The following AGBL4 variants were observed in gnomAD, a reference collection of about 807,000 sequenced individuals.
AGBL4 encodes AGBL carboxypeptidase 4, also known as cytosolic carboxypeptidase 6.
In AGBL4, 58 loss-of-function variants were observed where a neutral mutation model predicts 66.4. That is an observed-to-expected ratio of 0.87 (90% CI 0.71 to 1.09). AGBL4 has a LOEUF of 1.09. AGBL4 is among the 50% of genes least tolerant of loss of function. AGBL4 has a pLI of 0.00. For missense variants in AGBL4, 579 were observed against 631.0 expected (o/e 0.92, Z 0.88); for synonymous variants, 234 against 222.9 (o/e 1.05, Z -0.44).
At chr1:49,378,234 T>C (rs1644512496) in intron 3 of AGBL4, among the ~76,000 whole-genome samples, 1 of 152,088 alleles carries the variant, frequency 6.6e-6, no homozygotes, top group Admixed American at 6.6e-5. Flanking sequence ...AGAAAAAATG[T>C]TGCAGGATGG....
intron 5 of AGBL4, among the ~76,000 whole-genome samples, chr1:48,896,165 C>G (rs990536114): frequency 6.6e-6 from 1 of 152,186 alleles, no homozygotes; most frequent in African/African-American, 2.4e-5. Flanking sequence ...TTCCAGGCCC[C>G]TAGGTACTCC....
rs71307608 is a variant in AGBL4 at position 49,371,228 on chromosome 1, T to TATAGATAGATAGATAGATAGATAG, written c.283-125365_283-125364insCTATCTATCTATCTATCTATCTAT. The stretch of plus-strand genomic sequence containing the variant: ...TAGATAGAAGATAGATAGATAGATA[T>TATAGATAGATAGATAGATAGATAG]ATAGATAGATAGATAGATAGATACA... On this transcript the variant is annotated intron_variant, in intron 3 of 13. Transcript: ENST00000371839. Among the ~76,000 whole-genome samples the TATAGATAGATAGATAGATAGATAG allele has an allele frequency of 2.0e-5, 3 of 146,978 alleles. No individual in the cohort carries two copies. The South Asian group carries it at 6.4e-4, about 32-fold the overall frequency.
intron 10 of AGBL4, among the ~76,000 whole-genome samples, chr1:48,589,927 C>T (rs1051412182): frequency 6.6e-6 from 1 of 152,118 alleles, no homozygotes; most frequent in Non-Finnish European, 1.5e-5. Context: ...CAGTGAGCTT[C>T]CTTTTCTTGT....
chr1:49,169,890 AT>A (rs1646702384), intron 4 of AGBL4, among the ~76,000 whole-genome samples: 1 of 152,142 alleles, frequency 6.6e-6, no homozygotes, highest in African/African-American at 2.4e-5. Flanking sequence ...CTGCCTCAAA[AT>A]TGTGAATATT....
intron 9 of AGBL4, 53 bp from the exon 10 acceptor site, chr1:48,591,038 T>C: frequency 3.3e-6 from 5 of 1,520,134 alleles, no homozygotes; most frequent in Non-Finnish European, 4.4e-6. Context: ...AGCTTGTGTA[T>C]AAGGGACCAG....
chr1:49,116,966 G>A (rs1446333698), intron 4 of AGBL4, among the ~76,000 whole-genome samples: 1 of 152,100 alleles, frequency 6.6e-6, no homozygotes, highest in Non-Finnish European at 1.5e-5. Context: ...TTTCTCTGAT[G>A]ACCAGTGATG....
intron 3 of AGBL4, among the ~76,000 whole-genome samples, chr1:49,330,798 C>G (rs1645316519): frequency 6.6e-6 from 1 of 152,126 alleles, no homozygotes; most frequent in South Asian, 2.1e-4. Context: ...TTAGAAGCAG[C>G]TGCTATGGGT....
At chr1:49,172,161 T>C (rs1021730464) in intron 4 of AGBL4, among the ~76,000 whole-genome samples, 1 of 152,290 alleles carries the variant, frequency 6.6e-6, no homozygotes, top group East Asian at 1.9e-4. Context: ...TATGATCTAA[T>C]AGAGGAGATG....
intron 8 of AGBL4, among the ~76,000 whole-genome samples, chr1:48,645,911 A>C (rs1645827345): frequency 6.6e-6 from 1 of 152,098 alleles, no homozygotes; most frequent in South Asian, 2.1e-4. Flanking sequence ...GAAAGGTTGG[A>C]AGGCTTTGGG....
rs1487999874 is a variant in AGBL4 at position 48,780,198 on chromosome 1, C to G, written c.634+86993G>C. On this transcript the variant is annotated intron_variant, in intron 6 of 13. Coordinates refer to ENST00000371839, the MANE Select transcript of AGBL4 (RefSeq NM_032785.4). ...CCCTAGTCCCCCAGCCCCCCACCCC[C>G]CTACAGGCCCCGGTATGTGATGTTC... Among the ~76,000 whole-genome samples, 6 of 145,050 alleles carry G rather than the reference C, an allele frequency of 4.1e-5. No individual in the cohort carries two copies. The South Asian group carries it at 6.9e-4, about 17-fold the overall frequency.
intron 3 of AGBL4, among the ~76,000 whole-genome samples, chr1:49,652,475 G>A (rs747563331): frequency 6.6e-6 from 1 of 152,128 alleles, no homozygotes; most frequent in Non-Finnish European, 1.5e-5. Flanking sequence ...GGGACTGCTC[G>A]GGTAGGTGGC....
chr1:49,748,184 C>T (rs1301567500), intron 2 of AGBL4, among the ~76,000 whole-genome samples: 1 of 151,976 alleles, frequency 6.6e-6, no homozygotes, highest in Non-Finnish European at 1.5e-5. Context: ...CTGACAGGCT[C>T]CGGTGTGTGA....
chr1:48,878,251 C>T (rs1472937506), intron 5 of AGBL4, among the ~76,000 whole-genome samples: 1 of 152,064 alleles, frequency 6.6e-6, no homozygotes, highest in African/African-American at 2.4e-5. Context: ...AGCAATTGTA[C>T]AAAGTAGCTC....
At chr1:48,630,918 CA>C (rs1360365801) in intron 9 of AGBL4, among the ~76,000 whole-genome samples, 1 of 152,160 alleles carries the variant, frequency 6.6e-6, no homozygotes, top group African/African-American at 2.4e-5. Flanking sequence ...CCTCATGTAT[CA>C]GCCCAGGTGT....
At chr1:49,104,824 C>T (rs1180317705) in intron 4 of AGBL4, among the ~76,000 whole-genome samples, 3 of 152,100 alleles carry the variant, frequency 2.0e-5, no homozygotes, top group African/African-American at 7.2e-5. Flanking sequence ...AAATATTCAC[C>T]TCTAAATATG....
At chr1:49,389,272 A>G (rs74630247) in intron 3 of AGBL4, among the ~76,000 whole-genome samples, 1 of 152,202 alleles carries the variant, frequency 6.6e-6, no homozygotes, top group East Asian at 1.9e-4. Flanking sequence ...AGAGACTCAG[A>G]AAAGAGAAAT....
chr1:49,689,195 C>A (rs1055856043), intron 3 of AGBL4, among the ~76,000 whole-genome samples: 16 of 152,094 alleles, frequency 1.1e-4, no homozygotes, highest in African/African-American at 3.9e-4. Flanking sequence ...TTAGTAGTTT[C>A]ATAGTTTGAG....
At chr1:49,612,660 A>C (rs950139004) in intron 3 of AGBL4, among the ~76,000 whole-genome samples, 9 of 152,200 alleles carry the variant, frequency 5.9e-5, no homozygotes, top group African/African-American at 2.2e-4. Flanking sequence ...AGAAATGCAA[A>C]TCAAAACCAC....
intron 4 of AGBL4, among the ~76,000 whole-genome samples, chr1:49,160,369 T>C (rs1465279838): frequency 1.3e-5 from 2 of 152,182 alleles, no homozygotes; most frequent in African/African-American, 4.8e-5. Context: ...CCAGACCCTA[T>C]TTGCCTGGAT....
Sources: allele counts gnomAD v4.1 joint callset (sites outside exome capture counted in the v4.1 genomes callset), GRCh38; gene constraint gnomAD v4.1.1; transcripts MANE v1.5; gene names NCBI Gene and HGNC (gene_info 2026-07-23, HGNC 2026-07-21).